MACF1: variants seen among roughly 807,000 people sequenced by gnomAD.
The protein encoded by MACF1 is microtubule-actin cross-linking factor 1.
Under a neutral mutation model 854.8 loss-of-function variants are expected in MACF1, and 193 were observed. That is an observed-to-expected ratio of 0.23 (90% CI 0.20 to 0.25). The LOEUF (loss-of-function observed/expected upper bound fraction) is 0.25. Among genes scored for constraint, MACF1 ranks in the 10% least tolerant of loss-of-function variants. MACF1 has a pLI of 1.00. For synonymous variants in MACF1, 3,185 were observed against 3,226.7 expected (o/e 0.99, Z 0.44); for missense variants, 7,722 against 8,929.1 (o/e 0.86, Z 5.45).
In MACF1 at chr1:39,183,137, C is replaced by T. The variant is rs143788760; in HGVS notation, c.221-48045C>T. Reference sequence around the variant, plus strand: ...TATGATTCCATTTATACCATTTATACATAATAGGCAAATCCATAGAGACCA... The same window carrying T: ...TATGATTCCATTTATACCATTTATATATAATAGGCAAATCCATAGAGACCA... On this transcript the variant is annotated intron_variant, in intron 2 of 93. Transcript: ENST00000361689. Among the ~76,000 whole-genome samples the T allele has an allele frequency of 6.6e-4, 101 of 152,236 alleles. 1 individual carries two copies. The East Asian group carries it at 0.016, about 24-fold the overall frequency.
intron 24 of MACF1, 81 bp downstream of exon 24, chr1:39,309,777 C>T (rs1038156959): frequency 2.0e-6 from 3 of 1,474,952 alleles, no homozygotes; most frequent in Non-Finnish European, 2.8e-6. Flanking sequence ...TACTGTGAGA[C>T]TTTTCCCCAC....
chr1:39,471,719 GT>G lies in MACF1; in HGVS notation c.21958+2105del, dbSNP rs573526686. On this transcript the variant is annotated intron_variant, in intron 97 of 100. Transcript: ENST00000564288. Reference sequence around the variant, plus strand: ...TGGGTATACTTGTACCTAAGGTACTGTGTATGTTTTTGATCATTAGACATAT... The same window carrying G: ...TGGGTATACTTGTACCTAAGGTACTGGTATGTTTTTGATCATTAGACATAT... 2.6e-5 allele frequency among the ~76,000 whole-genome samples: 4 copies of G among 152,262 alleles called. No homozygotes were observed. The East Asian group carries it at 7.7e-4, about 29-fold the overall frequency.
Position 39,285,383 on chromosome 1 carries a change from T to G in MACF1, c.1346T>G (p.Leu449Arg). The G allele has an allele frequency of 6.2e-7, 1 of 1,613,884 alleles. No individual in the cohort carries two copies. The highest frequency in any genetic ancestry group is 8.5e-7 in the Non-Finnish European group (1 of 1,180,010). The part of the protein sequence containing the change: ...EEKLTLAKNT[L>R]QADAAHLESG... ...AAACTGACACTAGCTAAGAATACAC[T>G]GCAGGCTGTAAGTCTCTGACTGTTT... The change falls in exon 13 of 101, where the codon CTG becomes CGG. Residue 449 changes from leucine to arginine, a missense_variant. Transcript: ENST00000564288.
intron 2 of MACF1, among the ~76,000 whole-genome samples, chr1:39,131,413 A>G (rs978413331): frequency 2.7e-5 from 4 of 150,834 alleles, no homozygotes; most frequent in African/African-American, 7.3e-5. Flanking sequence ...GCCTCAAGCT[A>G]TCCTCCCACC....
At position 39,322,624 on chromosome 1, in the gene MACF1, T is replaced by G. The variant is rs935086759; in HGVS notation, c.4046T>G (p.Leu1349Arg). The G allele has an allele frequency of 1.2e-6, 2 of 1,614,058 alleles. No individual in the cohort carries two copies. Among genetic ancestry groups the G allele is most frequent in the African/African-American group, 2.7e-5 (2 of 75,038 alleles). Residue 1349 changes from leucine (L) to arginine (R), a missense_variant, in exon 32 of 101, where the codon CTG becomes CGG. By Grantham distance (102) the Leu-to-Arg change is moderately radical (BLOSUM62 -2). Transcript: ENST00000564288. ...CTTTCCTAGGACTATGAATTGCAAC[T>G]GATGACATACAAGGCCTTTGTGGAA... ...STIVKDYELQ[L>R]MTYKAFVESQ...
rs750364998 is a variant in MACF1, at chr1:39,287,522, G to A, written c.1745G>A (p.Arg582Gln). The A allele has an allele frequency of 1.7e-5, 27 of 1,614,018 alleles. No homozygotes were observed. Among genetic ancestry groups the A allele is most frequent in the Non-Finnish European group, 2.3e-5 (27 of 1,180,038 alleles). The part of the protein sequence containing the change: ...ISSSEDEGNL[R>Q]FVYELLSWVE... The stretch of plus-strand genomic sequence containing the variant: ...TCCTCTGAAGATGAAGGCAATCTCC[G>A]ATTTGTGTATGAACTACTGTCTTGG... The change falls in exon 15 of 101, where the codon CGA becomes CAA. Residue 582 changes from arginine to glutamine, a missense_variant. Arg to Gln is a conservative substitution (Grantham distance 43). This residue lies in a region of MACF1 where 1,137 missense variants were observed against 1,263.0 expected (regional missense o/e 0.90). Coordinates refer to ENST00000564288, the MANE Select transcript of MACF1 (RefSeq NM_001394062.1).
Position 39,340,693 on chromosome 1 carries a change from C to T in MACF1, c.10407C>T (p.Phe3469=), listed in dbSNP as rs777882508. 2 of 1,614,146 alleles carry T rather than the reference C, an allele frequency of 1.2e-6. No homozygotes were observed. The highest frequency in any genetic ancestry group is 4.5e-5 in the East Asian group (2 of 44,888). Residue 3469 remains phenylalanine, a synonymous_variant, in exon 39 of 101, where the codon TTC becomes TTT. Coordinates refer to ENST00000564288, the MANE Select transcript of MACF1 (RefSeq NM_001394062.1). ...CTTGGAATTCCAGGCTACTCCACTT[C>T]CAGAATGCTGTGGAAATAGAAAAGG... ...SDTWNSRLLH[F]QNAVEIEKTK...
intron 20 of MACF1, among the ~76,000 whole-genome samples, chr1:39,297,334 G>A (rs1645945059): frequency 6.6e-6 from 1 of 152,170 alleles, no homozygotes; most frequent in African/African-American, 2.4e-5. Flanking sequence ...GCCAAATGCT[G>A]TACCTAGCCA....
intron 2 of MACF1, chr1:39,121,166 A>G (rs963975247): frequency 3.9e-5 from 6 of 152,234 alleles, no homozygotes; most frequent in Non-Finnish European, 7.3e-5. Flanking sequence ...TGAATTGGAA[A>G]TGTTAAGTTA....
Position 39,443,513 on chromosome 1 carries a change from C to T in MACF1, c.19370C>T (p.Ser6457Phe). 1 of 1,613,938 alleles carries T rather than the reference C, an allele frequency of 6.2e-7. No individual in the cohort carries two copies. Among genetic ancestry groups the T allele is most frequent in the Non-Finnish European group, 8.5e-7 (1 of 1,179,932 alleles). Residue 6457 changes from serine (S) to phenylalanine (F), a missense_variant, in exon 79 of 101, where the codon TCT becomes TTT. Ser to Phe is a radical substitution (Grantham distance 155). Transcript: ENST00000564288. ...LELTRMESQL[S>F]ASKPTGGLPE... ...CTTACTAGAATGGAGAGCCAGCTTTCTGCATCTAAGCCCACAGGAGGACTT... is the reference window on the plus strand; with the variant it reads ...CTTACTAGAATGGAGAGCCAGCTTTTTGCATCTAAGCCCACAGGAGGACTT...
Position 39,333,024 on chromosome 1 carries a change from G to A in MACF1, c.6436G>A (p.Val2146Ile). Residue 2146 changes from valine to isoleucine, a missense_variant, in exon 37 of 101, where the codon GTT (valine) becomes ATT (isoleucine). Transcript: ENST00000564288. ...TGAGGCGGAAGGTGTGCCGTTGGTG[G>A]TTGACAAAGATGTTTTTTCTGTTGA... ...PAEAEGVPLV[V>I]DKDVFSVETP... is the part of the protein sequence containing the mutation. The A allele has an allele frequency of 6.2e-7, 1 of 1,614,082 alleles. No homozygotes were observed. Among genetic ancestry groups the A allele is most frequent in the Middle Eastern group, 1.7e-4 (1 of 6,060 alleles).
At chr1:39,381,378 T>TTGGG (rs1553330389) in intron 55 of MACF1, among the ~76,000 whole-genome samples, 10 of 102,044 alleles carry the variant, frequency 9.8e-5, no homozygotes, top group East Asian at 4.0e-4. Flanking sequence ...TTTTTTTTTT[T>TTGGG]GGGGGGGGGG....
chr1:39,150,391 A>T (rs1368321753), intron 2 of MACF1, among the ~76,000 whole-genome samples: 1 of 152,208 alleles, frequency 6.6e-6, no homozygotes, highest in Admixed American at 6.5e-5. Flanking sequence ...GGTGATTTAC[A>T]AAGTAAATGG....
chr1:39,436,549 A>T, intron 70 of MACF1: 2 of 1,498,382 alleles, frequency 1.3e-6, no homozygotes, highest in Non-Finnish European at 9.3e-7. Context: ...AATTGAGGTC[A>T]TTACCTGTAA....
chr1:39,477,029 C>CAT (rs1557674777), intron 97 of MACF1, among the ~76,000 whole-genome samples: 1 of 142,504 alleles, frequency 7.0e-6, no homozygotes, highest in African/African-American at 2.6e-5. Context: ...TATACACACA[C>CAT]ATATATACAC....
chr1:39,428,744 T>G (rs1643804532), intron 63 of MACF1, among the ~76,000 whole-genome samples: 1 of 152,226 alleles, frequency 6.6e-6, no homozygotes. Context: ...AGAGTTTGCC[T>G]TTTTCATTTC....
rs557398086 is a variant in MACF1, at chr1:39,206,354, T to C, written c.109+1223T>C. ...TAGGCAGGCTTAAGTTGTTTGGTCC[T>C]ATTTACTATTTCACATGTAATGAGA... On this transcript the variant is annotated intron_variant, in intron 1 of 100. Coordinates refer to ENST00000564288, the MANE Select transcript of MACF1 (RefSeq NM_001394062.1). Among the ~76,000 whole-genome samples the C allele has an allele frequency of 2.6e-5, 4 of 152,364 alleles. No individual in the cohort carries two copies. In the South Asian group the frequency reaches 8.3e-4, roughly 32 times the overall value.
intron 58 of MACF1, chr1:39,411,946 A>T: frequency 6.2e-7 from 1 of 1,613,972 alleles, no homozygotes; most frequent in South Asian, 1.1e-5. Context: ...CGTTGATATC[A>T]TGAGAGACAC....
Position 39,084,240 on chromosome 1 carries a change from A to T in MACF1, c.22A>T (p.Thr8Ser), listed in dbSNP as rs1557441993. The T allele has an allele frequency of 1.9e-6, 3 of 1,611,712 alleles. No homozygotes were observed. Among genetic ancestry groups the T allele is most frequent in the Non-Finnish European group, 2.5e-6 (3 of 1,179,272 alleles). ...GGCCATGTCTTCCTCAGATGAAGAG[A>T]CGCTCAGTGAGCGGTCATGTCGGAG... The change falls in exon 2 of 94, where the codon ACG becomes TCG. Residue 8 changes from threonine (T) to serine (S), a missense_variant. Coordinates refer to the MACF1 transcript ENST00000361689. This position sits in a 1 kb window ranked among gnomAD's most constrained non-coding sequence, Gnocchi z 5.2.
Sources: gnomAD v4.1 joint callset for allele counts (sites outside exome capture counted in the v4.1 genomes callset) on GRCh38, gnomAD v4.1.1 for gene constraint, gnomAD v4.1.1 regional missense constraint, Gnocchi (gnomAD v3.1) non-coding constraint, MANE v1.5 for transcripts, NCBI Gene and HGNC (gene_info 2026-07-23, HGNC 2026-07-21) for gene names.